Variants in CLCN6 observed in about 807,000 individuals in gnomAD.
The protein encoded by CLCN6 is H(+)/Cl(-) exchange transporter 6.
In CLCN6, 70 loss-of-function variants were observed where a neutral mutation model predicts 109.8. The observed-to-expected ratio is 0.64, with a 90% confidence interval of 0.53 to 0.78. CLCN6 has a LOEUF of 0.78. Among genes scored for constraint, CLCN6 ranks in the 30% least tolerant of loss-of-function variants. The pLI is 0.00. For synonymous variants in CLCN6, 444 were observed against 447.8 expected (o/e 0.99, Z 0.11); for missense variants, 984 against 1,142.3 (o/e 0.86, Z 2.00).
intron 2 of CLCN6, among the ~76,000 whole-genome samples, chr1:11,812,616 G>A (rs540575171): frequency 2.5e-4 from 37 of 146,018 alleles, no homozygotes; most frequent in African/African-American, 8.4e-4. Context: ...CATCTCATTA[G>A]CAAACAAAAG....
chr1:11,833,807 G>A (rs1005350026), intron 14 of CLCN6, 70 bp from the exon 15 acceptor site: 38 of 1,565,884 alleles, frequency 2.4e-5, no homozygotes, highest in East Asian at 1.8e-4. Flanking sequence ...GGGTGTGGTC[G>A]GGCCCGGTAG....
chr1:11,812,767 T>G (rs1644618586), intron 2 of CLCN6, among the ~76,000 whole-genome samples: 1 of 150,830 alleles, frequency 6.6e-6, no homozygotes, highest in Non-Finnish European at 1.5e-5. Flanking sequence ...TATGCTGAAC[T>G]CTCCACCCTC....
chr1:11,822,644 C>T (rs763629551), intron 5 of CLCN6, 51 bp from the exon 6 acceptor site: 4 of 1,100,162 alleles, frequency 3.6e-6, no homozygotes, highest in East Asian at 2.4e-5. Context: ...CAAGTGATGA[C>T]GGGGACACCC....
At chr1:11,836,287 A>G in intron 18 of CLCN6, 134 bp downstream of exon 18, 3 of 749,128 alleles carry the variant, frequency 4.0e-6, no homozygotes, top group East Asian at 5.5e-5. Flanking sequence ...TTCTCATCAC[A>G]TGCGACAGGG....
chr1:11,810,301 G>A (rs1421974864), intron 2 of CLCN6, among the ~76,000 whole-genome samples: 1 of 152,186 alleles, frequency 6.6e-6, no homozygotes, highest in Non-Finnish European at 1.5e-5. Flanking sequence ...TTGAAAAATG[G>A]TAACTTTCTG....
Position 11,820,408 on chromosome 1 carries a change from G to A in CLCN6, c.346+854G>A, listed in dbSNP as rs768524349. On this transcript the variant is annotated intron_variant, in intron 5 of 22. Transcript: ENST00000346436. The stretch of plus-strand genomic sequence containing the variant: ...AAATATGCAGAACAAAACTTCGGGA[G>A]ACTATATGTTGTCAAGAGTGGGGAA... 4.2e-6 allele frequency: 3 copies of A among 716,010 alleles called. No homozygotes were observed. In the South Asian group the frequency reaches 4.4e-5, roughly 11 times the overall value. 44.4% of individuals were successfully genotyped at this position (716,010 alleles called of 1,614,324 possible). A position where few individuals can be genotyped will look rare whatever the true frequency, so the allele number is the denominator to read the frequency against.
intron 13 of CLCN6, among the ~76,000 whole-genome samples, chr1:11,833,277 A>G (rs1464725234): frequency 6.6e-6 from 1 of 152,076 alleles, no homozygotes; most frequent in Non-Finnish European, 1.5e-5. Context: ...CCATAGTGAC[A>G]TTTTCATCAT....
Position 11,834,321 on chromosome 1 carries a change from A to G in CLCN6, c.1612A>G (p.Ile538Val). 2.5e-6 allele frequency: 4 copies of G among 1,613,942 alleles called. No homozygotes were observed. Among genetic ancestry groups the G allele is most frequent in the South Asian group, 1.1e-5 (1 of 91,070 alleles). ...CTTGGGCGGGGTGGTCCGCATGACCATCAGCCTCACGGTCATCCTGATCGA... is the reference window on the plus strand; with the variant it reads ...CTTGGGCGGGGTGGTCCGCATGACCGTCAGCCTCACGGTCATCCTGATCGA... Reference protein sequence around the residue: ...AFLGGVVRMTISLTVILIEST... With the variant: ...AFLGGVVRMTVSLTVILIEST... The change falls in exon 16 of 23, where the codon ATC becomes GTC. Residue 538 changes from isoleucine to valine, a missense_variant. Ile to Val is a conservative substitution (Grantham distance 29, BLOSUM62 3). Coordinates refer to ENST00000346436, the MANE Select transcript of CLCN6 (RefSeq NM_001286.5). This position sits in a 1 kb window ranked among gnomAD's most constrained non-coding sequence, Gnocchi z 4.5.
chr1:11,834,221 G>C lies in CLCN6; in HGVS notation c.1527-15G>C. 6.2e-7 allele frequency: 1 copy of C among 1,608,240 alleles called. No homozygotes were observed. The highest frequency in any genetic ancestry group is 1.1e-5 in the South Asian group (1 of 90,650). ...TGTGGTTCAAAGCCATGTTCTCGGT[G>C]TTTTCCTTCACTAGCTACATTGGAT... On this transcript the variant is annotated splice_polypyrimidine_tract_variant and intron_variant, in intron 15 of 22. Transcript: ENST00000346436. This position sits in a 1 kb window ranked among gnomAD's most constrained non-coding sequence, Gnocchi z 4.5.
chr1:11,812,930 G>A (rs1644620938), intron 2 of CLCN6, among the ~76,000 whole-genome samples: 1 of 152,034 alleles, frequency 6.6e-6, no homozygotes, highest in African/African-American at 2.4e-5. Flanking sequence ...ATCTTACAGA[G>A]GAGACTGAAG....
chr1:11,806,371 C>T (rs1255059257), intron 1 of CLCN6, 22 bp downstream of exon 1: 4 of 1,497,772 alleles, frequency 2.7e-6, no homozygotes, highest in Admixed American at 5.7e-5. Flanking sequence ...GCGGAGTCGG[C>T]CTGGGGAGGG....
intron 4 of CLCN6, 68 bp from the exon 5 acceptor site, chr1:11,819,420 C>G: frequency 7.0e-7 from 1 of 1,423,344 alleles, no homozygotes; most frequent in South Asian, 1.1e-5. Context: ...TCAAGAGGAG[C>G]ACACCTGTAC....
chr1:11,812,976 C>T (rs1193836199), intron 2 of CLCN6, among the ~76,000 whole-genome samples: 1 of 152,070 alleles, frequency 6.6e-6, no homozygotes, highest in Non-Finnish European at 1.5e-5. Flanking sequence ...ACAAACTGTC[C>T]CAACCGTTGT....
chr1:11,812,338 T>C (rs6701960), intron 2 of CLCN6, among the ~76,000 whole-genome samples: 15,075 of 152,284 alleles, frequency 0.099, 805 homozygotes, highest in South Asian at 0.16. Context: ...CACGGAGCTT[T>C]CATGCCCTCT....
At chr1:11,806,985 C>A (rs1644522951) in intron 1 of CLCN6, 146 bp from the exon 2 acceptor site, 1 of 678,534 alleles carries the variant, frequency 1.5e-6, no homozygotes, top group Non-Finnish European at 2.6e-6. Flanking sequence ...GTCCCTCACC[C>A]CTGAAAGGTT....
chr1:11,825,607 C>T (rs774440730), intron 8 of CLCN6, among the ~76,000 whole-genome samples: 21 of 152,158 alleles, frequency 1.4e-4, no homozygotes, highest in Non-Finnish European at 2.9e-4. Context: ...GGGGTAATCT[C>T]CTTTTTTCCC....
At chr1:11,826,691 C>G (rs1027030749) in intron 9 of CLCN6, among the ~76,000 whole-genome samples, 2 of 152,152 alleles carry the variant, frequency 1.3e-5, no homozygotes, top group Non-Finnish European at 2.9e-5. Context: ...CCTGCAAGTT[C>G]GGCACATACC....
At chr1:11,839,538 A>G (rs2100663286) in intron 22 of CLCN6, among the ~76,000 whole-genome samples, 1 of 152,362 alleles carries the variant, frequency 6.6e-6, no homozygotes, top group Non-Finnish European at 1.5e-5. Flanking sequence ...CTGGGATTAC[A>G]TGCGTCAGCC....
In CLCN6 at chr1:11,824,556, A is replaced by G; in HGVS notation, c.648+3A>G. The G allele has an allele frequency of 6.2e-7, 1 of 1,613,224 alleles. No individual in the cohort carries two copies. Among genetic ancestry groups the G allele is most frequent in the Non-Finnish European group, 8.5e-7 (1 of 1,179,446 alleles). On this transcript the variant is annotated splice_donor_region_variant and intron_variant, in intron 8 of 22. Transcript: ENST00000346436. ...TGGTGGGAGCTGGCCTCCCTCAGGT[A>G]AGATGGGCTGAGAGGGTGTGGGCCT...
Sources: allele counts gnomAD v4.1 joint callset (sites outside exome capture counted in the v4.1 genomes callset), GRCh38; gene constraint gnomAD v4.1.1; non-coding constraint Gnocchi (gnomAD v3.1); transcripts MANE v1.5; gene names NCBI Gene and HGNC (gene_info 2026-07-23, HGNC 2026-07-21).